PLXDC2: variants seen among roughly 807,000 people sequenced by gnomAD.
The protein encoded by PLXDC2 is plexin domain-containing protein 2.
PLXDC2 carries 40 observed loss-of-function variants against 68.9 expected under a neutral mutation model. That is an observed-to-expected ratio of 0.58 (90% CI 0.45 to 0.76). The LOEUF (loss-of-function observed/expected upper bound fraction) is 0.76, where lower values mean the gene tolerates loss of function less well. Among genes scored for constraint, PLXDC2 ranks in the 30% least tolerant of loss-of-function variants. PLXDC2 has a pLI of 0.00. For synonymous variants in PLXDC2, 243 were observed against 234.2 expected, an observed-to-expected ratio of 1.04 and a Z score of -0.34; for missense variants, 644 against 661.9, an observed-to-expected ratio of 0.97 and a Z score of 0.30.
chr10:19,972,159 T>A (rs959556221), intron 1 of PLXDC2, among the ~76,000 whole-genome samples: 12 of 152,300 alleles, frequency 7.9e-5, no homozygotes, highest in African/African-American at 2.9e-4. Flanking sequence ...AGTATACATT[T>A]TTGAGCAGGA....
chr10:19,976,113 C>T (rs1022336622), intron 1 of PLXDC2, among the ~76,000 whole-genome samples: 6 of 152,144 alleles, frequency 3.9e-5, no homozygotes, highest in South Asian at 2.1e-4. Context: ...AGTTGAAATT[C>T]GTTTCTCCAC....
At chr10:19,820,640 C>CA (rs5783700) in intron 1 of PLXDC2, among the ~76,000 whole-genome samples, 73,042 of 126,880 alleles carry the variant, frequency 0.58, 19,507 homozygotes, top group Middle Eastern at 0.68. Flanking sequence ...GACTCCGTCT[C>CA]AAAAAAAAAA....
intron 4 of PLXDC2, among the ~76,000 whole-genome samples, chr10:20,124,104 G>A (rs1444315830): frequency 6.6e-6 from 1 of 152,024 alleles, no homozygotes; most frequent in East Asian, 1.9e-4. Flanking sequence ...TAAGGATGAA[G>A]GACAAAGGCA....
intron 7 of PLXDC2, among the ~76,000 whole-genome samples, chr10:20,168,927 A>G (rs1834410331): frequency 6.6e-6 from 1 of 152,192 alleles, no homozygotes; most frequent in South Asian, 2.1e-4. Context: ...ATATGAAGAT[A>G]CCCACATTAA....
At chr10:19,923,695 G>A (rs1446903141) in intron 1 of PLXDC2, among the ~76,000 whole-genome samples, 2 of 152,180 alleles carry the variant, frequency 1.3e-5, no homozygotes, top group African/African-American at 4.8e-5. Flanking sequence ...AGCAAAAACA[G>A]GGATATAAAT....
At chr10:19,870,303 C>T (rs1837511139) in intron 1 of PLXDC2, among the ~76,000 whole-genome samples, 1 of 152,162 alleles carries the variant, frequency 6.6e-6, no homozygotes, top group South Asian at 2.1e-4. Context: ...GACATCTGTT[C>T]TTCACCTCTG....
intron 6 of PLXDC2, among the ~76,000 whole-genome samples, chr10:20,156,577 T>C (rs1834220504): frequency 6.6e-6 from 1 of 152,164 alleles, no homozygotes; most frequent in African/African-American, 2.4e-5. Context: ...TTGAAACCTC[T>C]TTTTTAAAGT....
At chr10:20,220,883 C>A (rs1835201973) in intron 12 of PLXDC2, among the ~76,000 whole-genome samples, 1 of 125,194 alleles carries the variant, frequency 8.0e-6, no homozygotes, top group Admixed American at 9.4e-5. Context: ...CTTGTTGTTG[C>A]CCAGGCTGGA....
intron 4 of PLXDC2, among the ~76,000 whole-genome samples, chr10:20,095,533 C>A (rs980000747): frequency 6.6e-6 from 1 of 152,080 alleles, no homozygotes; most frequent in African/African-American, 2.4e-5. Context: ...TGTAAGTGGA[C>A]ATTTTTAAGA....
At chr10:19,830,728 G>A (rs1181079577) in intron 1 of PLXDC2, among the ~76,000 whole-genome samples, 4 of 141,484 alleles carry the variant, frequency 2.8e-5, no homozygotes, top group African/African-American at 5.4e-5. Flanking sequence ...ACTATGCTCC[G>A]GAAAAGAGAA....
At chr10:20,016,682 C>T (rs1375913414) in intron 2 of PLXDC2, among the ~76,000 whole-genome samples, 2 of 152,196 alleles carry the variant, frequency 1.3e-5, no homozygotes, top group Non-Finnish European at 2.9e-5. Flanking sequence ...CTGGAAACCA[C>T]CCTTGTCTAC....
At chr10:20,254,368 A>T (rs1339006016) in intron 13 of PLXDC2, among the ~76,000 whole-genome samples, 1 of 152,166 alleles carries the variant, frequency 6.6e-6, no homozygotes, top group Admixed American at 6.5e-5. Context: ...CAGCTGCTGG[A>T]TGGATTGCAC....
chr10:19,871,270 T>G lies in PLXDC2; in HGVS notation c.112+54079T>G, dbSNP rs1837529351. ...TTCACATATACGGCAAAGGAATTGATGAGGACCTTGTCATTCTTTTAACCA... is the reference window on the plus strand; with the variant it reads ...TTCACATATACGGCAAAGGAATTGAGGAGGACCTTGTCATTCTTTTAACCA... On this transcript the variant is annotated intron_variant, in intron 1 of 13. Transcript: ENST00000377252. 2.6e-5 allele frequency among the ~76,000 whole-genome samples: 4 copies of G among 152,212 alleles called. No individual in the cohort carries two copies. The South Asian group carries it at 8.3e-4, about 32-fold the overall frequency.
At chr10:20,187,791 A>G (rs1017333402) in intron 9 of PLXDC2, among the ~76,000 whole-genome samples, 2 of 151,936 alleles carry the variant, frequency 1.3e-5, no homozygotes, top group East Asian at 3.9e-4. Flanking sequence ...GATCTCGATG[A>G]CACTTTCATA....
chr10:20,232,417 A>G (rs1344358092), intron 12 of PLXDC2, among the ~76,000 whole-genome samples: 1 of 152,112 alleles, frequency 6.6e-6, no homozygotes, highest in Non-Finnish European at 1.5e-5. Context: ...CAGACACACA[A>G]AACTTGTAAG....
At chr10:20,122,407 G>A (rs536080012) in intron 4 of PLXDC2, among the ~76,000 whole-genome samples, 54 of 152,298 alleles carry the variant, frequency 3.5e-4, no homozygotes, top group South Asian at 2.3e-3. Flanking sequence ...CTTTCGAGGC[G>A]ATTGGGCAGC....
At chr10:19,975,989 C>T (rs1050485900) in intron 1 of PLXDC2, among the ~76,000 whole-genome samples, 8 of 151,958 alleles carry the variant, frequency 5.3e-5, no homozygotes, top group South Asian at 4.1e-4. Context: ...GATGACAGAG[C>T]GAGACTCCTT....
Position 19,903,458 on chromosome 10 carries a change from G to A in PLXDC2, c.112+86267G>A, listed in dbSNP as rs539537972. Among the ~76,000 whole-genome samples, 69 of 151,662 alleles carry A rather than the reference G, an allele frequency of 4.5e-4. No homozygotes were observed. The South Asian group carries it at 8.5e-3, about 19-fold the overall frequency. The stretch of plus-strand genomic sequence containing the variant: ...TCTCCTCTAGGTTTTTCTAGTTTAT[G>A]TGCGTAAAGGTGCTCACAGTACCCT... On this transcript the variant is annotated intron_variant, in intron 1 of 13. Coordinates refer to ENST00000377252, the MANE Select transcript of PLXDC2 (RefSeq NM_032812.9).
chr10:19,892,431 A>T (rs1837981619), intron 1 of PLXDC2, among the ~76,000 whole-genome samples: 1 of 152,234 alleles, frequency 6.6e-6, no homozygotes, highest in South Asian at 2.1e-4. Context: ...GTGCTGATAA[A>T]TAAATAACTT....
Sources: gnomAD v4.1 joint callset for allele counts (sites outside exome capture counted in the v4.1 genomes callset) on GRCh38, gnomAD v4.1.1 for gene constraint, MANE v1.5 for transcripts, NCBI Gene and HGNC (gene_info 2026-07-23, HGNC 2026-07-21) for gene names.